PAK5: variants seen among roughly 807,000 people sequenced by gnomAD.
PAK5 encodes the protein p21 (RAC1) activated kinase 5.
In PAK5, 16 loss-of-function variants were observed where a neutral mutation model predicts 65.9. The observed-to-expected ratio is 0.24, with a 90% CI of 0.16 to 0.37. PAK5 has a LOEUF of 0.37. Among genes scored for constraint, PAK5 ranks in the 10% least tolerant of loss-of-function variants. The pLI, the probability that PAK5 is intolerant of heterozygous loss-of-function variation, is 1.00. For synonymous variants in PAK5, 371 were observed against 354.9 expected (o/e 1.05, Z -0.51); for missense variants, 785 against 903.9 (o/e 0.87, Z 1.69).
At chr20:9,569,432 AC>A (rs1387633594) in intron 4 of PAK5, among the ~76,000 whole-genome samples, 1 of 152,150 alleles carries the variant, frequency 6.6e-6, no homozygotes, top group African/African-American at 2.4e-5. Context: ...TGGTCTGAGG[AC>A]CCCAACGTCT....
intron 1 of PAK5, among the ~76,000 whole-genome samples, chr20:9,829,799 T>C (rs1402060620): frequency 1.3e-5 from 2 of 152,226 alleles, no homozygotes; most frequent in African/African-American, 4.8e-5. Flanking sequence ...GCTTAACAAA[T>C]ATGCCTTCAT....
rs552973816 is a variant in PAK5, at chr20:9,786,872, C to T, written c.-162+51890G>A. Reference sequence around the variant, plus strand: ...TCCTGTTGAGATTCTATCATGCCATCAGTAATATAGCTAAAGGCAAGTCCT... The same window carrying T: ...TCCTGTTGAGATTCTATCATGCCATTAGTAATATAGCTAAAGGCAAGTCCT... On this transcript the variant is annotated intron_variant, in intron 1 of 9. Coordinates refer to ENST00000353224, the MANE Select transcript of PAK5 (RefSeq NM_177990.4). Among the ~76,000 whole-genome samples the T allele has an allele frequency of 1.4e-4, 21 of 152,218 alleles. No individual in the cohort carries two copies. The South Asian group carries it at 3.1e-3, about 23-fold the overall frequency.
chr20:9,701,911 G>T (rs573921923), intron 2 of PAK5, among the ~76,000 whole-genome samples: 1 of 152,104 alleles, frequency 6.6e-6, no homozygotes, highest in East Asian at 1.9e-4. Context: ...GAGATAGGAG[G>T]ACTGCTTGAG....
At position 9,580,824 on chromosome 20, in the gene PAK5, C is replaced by G; in HGVS notation, c.311G>C (p.Ser104Thr). 6.2e-7 allele frequency: 1 copy of G among 1,613,874 alleles called. No individual in the cohort carries two copies. ...GGCTCCCTGATCTGGGGTGGGTGGGCTTTCTTTCCTTAGGGAGTTGGAGCG... is the reference window on the plus strand; with the variant it reads ...GGCTCCCTGATCTGGGGTGGGTGGGGTTTCTTTCCTTAGGGAGTTGGAGCG... ...VTRSNSLRKE[S>T]PPTPDQGASS... The change falls in exon 4 of 10, where the codon AGC becomes ACC. Residue 104 changes from serine to threonine, a missense_variant. This residue lies in a region of PAK5 where 422 missense variants were observed against 413.3 expected (regional missense o/e 1.02). Coordinates refer to ENST00000353224, the MANE Select transcript of PAK5 (RefSeq NM_177990.4).
chr20:9,656,351 A>T (rs564268374), intron 2 of PAK5, among the ~76,000 whole-genome samples: 3 of 152,116 alleles, frequency 2.0e-5, no homozygotes, highest in African/African-American at 7.2e-5. Context: ...CAGACAGCAC[A>T]CAGGGTGAGA....
At chr20:9,833,524 C>A (rs945517091) in intron 1 of PAK5, among the ~76,000 whole-genome samples, 5 of 151,286 alleles carry the variant, frequency 3.3e-5, no homozygotes, top group East Asian at 1.9e-4. Flanking sequence ...CTTCCCCCCA[C>A]CTTTACCACC....
chr20:9,671,991 AG>A (rs2123371037), intron 2 of PAK5, among the ~76,000 whole-genome samples: 1 of 152,272 alleles, frequency 6.6e-6, no homozygotes, highest in South Asian at 2.1e-4. Context: ...TAGATAAGAA[AG>A]AGCTTTGTTC....
At chr20:9,782,559 A>G (rs1361233698) in intron 1 of PAK5, among the ~76,000 whole-genome samples, 1 of 152,148 alleles carries the variant, frequency 6.6e-6, no homozygotes, top group Non-Finnish European at 1.5e-5. Context: ...TTTATCTGGG[A>G]GTATCATTCC....
At chr20:9,710,026 T>G (rs892821385) in intron 2 of PAK5, among the ~76,000 whole-genome samples, 1 of 152,188 alleles carries the variant, frequency 6.6e-6, no homozygotes, top group African/African-American at 2.4e-5. Flanking sequence ...AATTTGAAAT[T>G]GGATTTTAAT....
At chr20:9,720,688 AG>A (rs1192131297) in intron 1 of PAK5, among the ~76,000 whole-genome samples, 6 of 152,188 alleles carry the variant, frequency 3.9e-5, no homozygotes, top group African/African-American at 1.4e-4. Flanking sequence ...AATAGCCAAA[AG>A]GTGTTGTAAC....
intron 2 of PAK5, among the ~76,000 whole-genome samples, chr20:9,663,544 T>A (rs6118682): frequency 0.18 from 27,907 of 152,194 alleles, 2,935 homozygotes; most frequent in East Asian, 0.4. Flanking sequence ...TGTAGAACAG[T>A]GGGATCTCAG....
intron 1 of PAK5, among the ~76,000 whole-genome samples, chr20:9,767,990 A>G (rs1440686918): frequency 6.6e-6 from 1 of 152,148 alleles, no homozygotes; most frequent in Non-Finnish European, 1.5e-5. Context: ...ACCCTAAGTG[A>G]CTTAATGTTT....
At chr20:9,625,276 G>A (rs1334411946) in intron 3 of PAK5, among the ~76,000 whole-genome samples, 1 of 152,094 alleles carries the variant, frequency 6.6e-6, no homozygotes, top group African/African-American at 2.4e-5. Context: ...CTCACTCTCT[G>A]CCCGGACACC....
intron 9 of PAK5, among the ~76,000 whole-genome samples, chr20:9,540,834 T>G (rs2045250490): frequency 6.6e-6 from 1 of 152,006 alleles, no homozygotes. Context: ...CCTCCCAGGT[T>G]CACGCCATTC....
chr20:9,606,406 G>C (rs542962094), intron 3 of PAK5, among the ~76,000 whole-genome samples: 3 of 152,262 alleles, frequency 2.0e-5, no homozygotes, highest in South Asian at 4.1e-4. Flanking sequence ...AAATTACCCA[G>C]TCTTAGTTAA....
At chr20:9,603,456 A>G (rs1190261732) in intron 3 of PAK5, among the ~76,000 whole-genome samples, 1 of 152,150 alleles carries the variant, frequency 6.6e-6, no homozygotes, top group African/African-American at 2.4e-5. Flanking sequence ...TCAGAGAATC[A>G]GCTCCTCCTG....
intron 3 of PAK5, among the ~76,000 whole-genome samples, chr20:9,604,601 C>T (rs1232940890): frequency 6.6e-6 from 1 of 152,188 alleles, no homozygotes; most frequent in Non-Finnish European, 1.5e-5. Context: ...AAAGCTTGTT[C>T]TCTTAGCTAG....
At chr20:9,559,719 C>T (rs1042163962) in intron 6 of PAK5, among the ~76,000 whole-genome samples, 3 of 151,980 alleles carry the variant, frequency 2.0e-5, no homozygotes, top group Non-Finnish European at 2.9e-5. Flanking sequence ...GCGGAGATAG[C>T]GCCTCTGCAT....
intron 3 of PAK5, among the ~76,000 whole-genome samples, chr20:9,585,170 A>G (rs1568980665): frequency 6.6e-6 from 1 of 152,154 alleles, no homozygotes; most frequent in Non-Finnish European, 1.5e-5. Context: ...ATCTTAAACA[A>G]TATTCCAATT....
Sources: gnomAD v4.1 joint callset for allele counts (sites outside exome capture counted in the v4.1 genomes callset) on GRCh38, gnomAD v4.1.1 for gene constraint, gnomAD v4.1.1 regional missense constraint, MANE v1.5 for transcripts, NCBI Gene and HGNC (gene_info 2026-07-23, HGNC 2026-07-21) for gene names.